PHF21B: variants seen among roughly 807,000 people sequenced by gnomAD.
The protein encoded by PHF21B is PHD finger protein 4.
PHF21B carries 22 observed loss-of-function variants against 62.2 expected under a neutral mutation model. That is an observed-to-expected ratio of 0.35 (90% confidence interval 0.25 to 0.51). The LOEUF is 0.51. Among genes scored for constraint, PHF21B ranks in the 20% least tolerant of loss-of-function variants. PHF21B has a pLI of 0.97. For synonymous variants in PHF21B, 341 were observed against 314.7 expected, an observed-to-expected ratio of 1.08 and a Z score of -0.88; for missense variants, 701 against 707.9, an observed-to-expected ratio of 0.99 and a Z score of 0.11.
Position 44,942,998 on chromosome 22 carries a change from C to A in PHF21B, c.121-22508G>T, listed in dbSNP as rs1436795380. ...GGCGGACCCCCAGCAGGGAGGGACC[C>A]CCCCCCCCCCATCCTCAGAAGGGCT... On this transcript the variant is annotated intron_variant, in intron 2 of 12. Transcript: ENST00000313237. 3.3e-4 allele frequency among the ~76,000 whole-genome samples: 8 copies of A among 24,332 alleles called. 1 individual carries two copies. The allele number at this position is 24,332 out of a possible 152,430, so 16.0% of individuals were successfully genotyped here.
chr22:44,995,652 G>A (rs1299576692), intron 2 of PHF21B, among the ~76,000 whole-genome samples: 1 of 152,112 alleles, frequency 6.6e-6, no homozygotes. Flanking sequence ...TTGCATCTTA[G>A]GATGCTAAGG....
chr22:44,900,049 CT>C (rs1490398496), intron 5 of PHF21B, among the ~76,000 whole-genome samples: 12 of 152,206 alleles, frequency 7.9e-5, no homozygotes, highest in Non-Finnish European at 1.0e-4. Context: ...AAAGTCCCAA[CT>C]GCTACAGATA....
At chr22:44,954,451 A>G (rs2072254490) in intron 2 of PHF21B, among the ~76,000 whole-genome samples, 2 of 152,102 alleles carry the variant, frequency 1.3e-5, no homozygotes, top group Admixed American at 1.3e-4. Flanking sequence ...AAACAGCTAC[A>G]GTGAATGAAG....
chr22:44,889,448 T>C (rs1487839624), intron 9 of PHF21B, among the ~76,000 whole-genome samples: 1 of 152,186 alleles, frequency 6.6e-6, no homozygotes, highest in Non-Finnish European at 1.5e-5. Flanking sequence ...GTGGAGGCCT[T>C]TGGGCACCAG....
At chr22:44,942,702 G>A (rs1015692467) in intron 2 of PHF21B, among the ~76,000 whole-genome samples, 1 of 152,168 alleles carries the variant, frequency 6.6e-6, no homozygotes, top group African/African-American at 2.4e-5. Context: ...CCCCTGAGCT[G>A]AGGCCCAGCG....
At chr22:45,007,071 T>C (rs2073328032) in intron 2 of PHF21B, among the ~76,000 whole-genome samples, 1 of 151,422 alleles carries the variant, frequency 6.6e-6, no homozygotes, top group Non-Finnish European at 1.5e-5. Context: ...AATGGAAGCT[T>C]CCACTCCCGG....
chr22:44,893,611 G>C, intron 6 of PHF21B, 78 bp from the exon 7 acceptor site: 1 of 1,371,372 alleles, frequency 7.3e-7, no homozygotes, highest in Non-Finnish European at 1.0e-6. Context: ...CAAGCCCTGG[G>C]CACCACCATC....
intron 2 of PHF21B, among the ~76,000 whole-genome samples, chr22:44,962,963 C>A (rs557483579): frequency 6.6e-6 from 1 of 152,236 alleles, no homozygotes; most frequent in Non-Finnish European, 1.5e-5. Flanking sequence ...ACTCGTTCTA[C>A]CTTTGCATTA....
At chr22:44,971,905 C>T (rs184431302) in intron 2 of PHF21B, among the ~76,000 whole-genome samples, 212 of 152,342 alleles carry the variant, frequency 1.4e-3, no homozygotes, top group African/African-American at 4.6e-3. Context: ...ATGAAGCAGG[C>T]GCCCCACAGC....
chr22:44,987,498 G>A (rs894804110), intron 2 of PHF21B, among the ~76,000 whole-genome samples: 2 of 152,180 alleles, frequency 1.3e-5, no homozygotes, highest in African/African-American at 2.4e-5. Flanking sequence ...AGCGGTGCAA[G>A]GGTGCTTAAT....
At position 44,965,634 on chromosome 22, in the gene PHF21B, T is replaced by A. The variant is rs923686678; in HGVS notation, c.120+42911A>T. 5.9e-5 allele frequency among the ~76,000 whole-genome samples: 9 copies of A among 152,200 alleles called. No individual in the cohort carries two copies. The South Asian group carries it at 1.7e-3, about 28-fold the overall frequency. ...GAGACGATTCCCCCGGCCCCCCAGG[T>A]GTTCTGGCTGTCTGGGCCGTCTGTC... On this transcript the variant is annotated intron_variant, in intron 2 of 12. Coordinates refer to ENST00000313237, the MANE Select transcript of PHF21B (RefSeq NM_138415.5).
chr22:44,887,929 G>T lies in PHF21B; in HGVS notation c.1197+34C>A, dbSNP rs1327373612. The T allele has an allele frequency of 9.1e-6, 13 of 1,431,020 alleles. No individual in the cohort carries two copies. The South Asian group carries it at 1.4e-4, about 16-fold the overall frequency. The allele number at this position is 1,431,020 out of a possible 1,614,324, so 88.6% of individuals were successfully genotyped here. On this transcript the variant is annotated intron_variant, in intron 10 of 12. Coordinates refer to ENST00000313237, the MANE Select transcript of PHF21B (RefSeq NM_138415.5). ...GCCTACGGTGGGGACCTCCATGCCA[G>T]TCTGGGGTGAGGGGGTCACACAGCC...
At chr22:44,977,121 AAAAGAAAAG>A (rs1454111779) in intron 2 of PHF21B, among the ~76,000 whole-genome samples, 2 of 151,482 alleles carry the variant, frequency 1.3e-5, no homozygotes, top group African/African-American at 4.9e-5. Context: ...CCCTGTCTCA[AAAAGAAAAG>A]AAAGAAAAAA....
At chr22:44,916,697 C>T in intron 3 of PHF21B, 67 bp from the exon 4 acceptor site, 1 of 1,431,292 alleles carries the variant, frequency 7.0e-7, no homozygotes, top group African/African-American at 1.4e-5. Context: ...AGGGGCCGCC[C>T]TGGCTCGGAG....
chr22:44,980,946 CTT>C (rs1041909848), intron 2 of PHF21B, among the ~76,000 whole-genome samples: 1 of 152,222 alleles, frequency 6.6e-6, no homozygotes, highest in Non-Finnish European at 1.5e-5. Context: ...TACATTTAGA[CTT>C]GCTAATCAAA....
rs138274677 is a variant in PHF21B, at chr22:44,970,319, G to A, written c.120+38226C>T. Among the ~76,000 whole-genome samples the A allele has an allele frequency of 3.0e-3, 457 of 152,320 alleles. 6 individuals carry two copies. Among genetic ancestry groups the A allele is most frequent in the African/African-American group, 9.9e-3 (413 of 41,568 alleles). ...TTCTGCACACTATTTTTATAGGCTC[G>A]AGATTCCAGGAATTCCTAGTTCATT... On this transcript the variant is annotated intron_variant, in intron 2 of 12. Transcript: ENST00000313237.
chr22:44,976,985 A>G lies in PHF21B; in HGVS notation c.120+31560T>C, dbSNP rs78895566. 6.6e-5 allele frequency among the ~76,000 whole-genome samples: 10 copies of G among 152,218 alleles called. No homozygotes were observed. The East Asian group carries it at 1.9e-3, about 29-fold the overall frequency. On this transcript the variant is annotated intron_variant, in intron 2 of 12. Coordinates refer to ENST00000313237, the MANE Select transcript of PHF21B (RefSeq NM_138415.5). ...AAACCCTGTGTCTACAAAAGATGCA[A>G]AAAAGGTGGCACACTCCTGTAGTCC...
At chr22:44,993,319 C>A (rs944075026) in intron 2 of PHF21B, among the ~76,000 whole-genome samples, 1 of 152,210 alleles carries the variant, frequency 6.6e-6, no homozygotes. Context: ...CCTCACCCAG[C>A]CTCAGTGTCC....
chr22:44,962,237 A>G (rs975747519), intron 2 of PHF21B, among the ~76,000 whole-genome samples: 9 of 152,366 alleles, frequency 5.9e-5, no homozygotes, highest in East Asian at 3.9e-4. Context: ...CCAAGAGTGT[A>G]TAAGCATTCC....
Sources: gnomAD v4.1 joint callset for allele counts (sites outside exome capture counted in the v4.1 genomes callset) on GRCh38, gnomAD v4.1.1 for gene constraint, MANE v1.5 for transcripts, NCBI Gene and HGNC (gene_info 2026-07-23, HGNC 2026-07-21) for gene names.